The following USF2 variants were observed in gnomAD, a reference collection of about 807,000 sequenced individuals.
USF2 encodes the protein upstream stimulatory factor 2.
A neutral mutation model predicts 46.9 loss-of-function variants in USF2; 16 were observed. The observed-to-expected ratio is 0.34, with a 90% CI of 0.23 to 0.52. The LOEUF (loss-of-function observed/expected upper bound fraction) is 0.52, where lower values mean the gene tolerates loss of function less well. USF2 is among the 20% of genes least tolerant of loss of function. The probability of loss-of-function intolerance (pLI) is 0.96; values close to 1 mark genes in which losing one functional copy is unlikely to be tolerated. For missense variants in USF2, 411 were observed against 474.0 expected (o/e 0.87, Z 1.23); for synonymous variants, 239 against 194.1 (o/e 1.23, Z -1.92).
At chr19:35,272,278 G>T (rs1032856798) in intron 7 of USF2, among the ~76,000 whole-genome samples, 3 of 152,176 alleles carry the variant, frequency 2.0e-5, no homozygotes, top group African/African-American at 7.2e-5. Context: ...GCCGCATCAG[G>T]CAGTGCAGGC....
chr19:35,270,819 A>C lies in USF2; in HGVS notation c.668+14A>C. The C allele has an allele frequency of 6.2e-7, 1 of 1,613,808 alleles. No homozygotes were observed. The highest frequency in any genetic ancestry group is 8.5e-7 in the Non-Finnish European group (1 of 1,179,832). ...CCCTTACTCTCCGTATGTGCAGGGG[A>C]CACCTGGAGGGCCTGGTGTTGAAAT... On this transcript the variant is annotated intron_variant, in intron 6 of 9. Transcript: ENST00000222305.
chr19:35,274,799 G>C (rs1348694927), intron 7 of USF2, among the ~76,000 whole-genome samples: 1 of 152,198 alleles, frequency 6.6e-6, no homozygotes, highest in Non-Finnish European at 1.5e-5. Flanking sequence ...CCTTGTGTCA[G>C]AAAAAGATAG....
At chr19:35,279,104 C>T in intron 9 of USF2, 30 bp downstream of exon 9, 1 of 1,612,982 alleles carries the variant, frequency 6.2e-7, no homozygotes, top group Middle Eastern at 1.7e-4. Flanking sequence ...CGGGTCAGGG[C>T]CCAGGAGCCC....
Position 35,279,209 on chromosome 19 carries a change from C to A in USF2, c.994C>A (p.Leu332Met). 1 of 1,594,342 alleles carries A rather than the reference C, an allele frequency of 6.3e-7. No homozygotes were observed. Among genetic ancestry groups the A allele is most frequent in the Non-Finnish European group, 8.5e-7 (1 of 1,170,260 alleles). ...TGAGAACGCCCTGCTTCGAGCCCAG[C>A]TGCAGCAGCACAACCTGGAGATGGT... ...KNENALLRAQLQQHNLEMVGE... is the reference protein window; with the variant it reads ...KNENALLRAQMQQHNLEMVGE... The change falls in exon 10 of 10, where the codon CTG (leucine) becomes ATG (methionine). Residue 332 changes from leucine to methionine, a missense_variant. Physicochemically the swap from Leu to Met is conservative, Grantham distance 15. Transcript: ENST00000222305.
rs374238178 is a variant in USF2, at chr19:35,269,466, C to T, written c.83C>T (p.Ala28Val). The change falls in exon 2 of 10, where the codon GCG becomes GTG. Residue 28 changes from alanine to valine, a missense_variant. This residue lies in a region of USF2 where 318 missense variants were observed against 322.4 expected (regional missense o/e 0.99). Transcript: ENST00000222305. ...AAASHDKGPE[A>V]EEGVELQEGG... The stretch of plus-strand genomic sequence containing the variant: ...GGCAGCCACGACAAGGGACCCGAGG[C>T]GGAGGAGGGCGTCGAGCTGCAGGAA... 276 of 1,547,540 alleles carry T rather than the reference C, an allele frequency of 1.8e-4. No individual in the cohort carries two copies. Among genetic ancestry groups the T allele is most frequent in the African/African-American group, 2.8e-4 (20 of 70,316 alleles).
At position 35,279,349 on chromosome 19, in the gene USF2, C is replaced by T; in HGVS notation, c.*93C>T. 2 of 1,266,160 alleles carry T rather than the reference C, an allele frequency of 1.6e-6. No individual in the cohort carries two copies. The highest frequency in any genetic ancestry group is 2.1e-6 in the Non-Finnish European group (2 of 969,820). The allele number at this position is 1,266,160 out of a possible 1,614,324, so 78.4% of individuals were successfully genotyped here. A position where few individuals can be genotyped will look rare whatever the true frequency, so the allele number is the denominator to read the frequency against. ...GCACAGAGAGGGACACATGCCCCTC[C>T]CCCAGCTGCGTTTTTTTATAGTAGA... On this transcript the variant is annotated 3_prime_UTR_variant, in exon 10 of 10. Transcript: ENST00000222305.
At chr19:35,269,184 G>T in intron 1 of USF2, 21 bp downstream of exon 1, 1 of 988,876 alleles carries the variant, frequency 1.0e-6, no homozygotes, top group Non-Finnish European at 1.2e-6. Context: ...CGGCCCGGCC[G>T]TGCCCCCGCG....
Position 35,270,731 on chromosome 19 carries a change from C to T in USF2, c.594C>T (p.Val198=). The change falls in exon 6 of 10, where the codon GTC becomes GTT. Residue 198 remains valine, a synonymous_variant. Transcript: ENST00000222305. ...CTCTCCCTGCAGGCCAGTTCTACGT[C>T]ATGATGACGCCCCAGGATGTGCTTC... ...QSLQAGGQFY[V]MMTPQDVLQT... 1.2e-6 allele frequency: 2 copies of T among 1,614,160 alleles called. No individual in the cohort carries two copies. Among genetic ancestry groups the T allele is most frequent in the Non-Finnish European group, 1.7e-6 (2 of 1,180,020 alleles).
At chr19:35,277,902 A>G (rs1218307762) in intron 7 of USF2, 1 of 152,262 alleles carries the variant, frequency 6.6e-6, no homozygotes, top group East Asian at 1.9e-4. Context: ...TGGCCAGAGA[A>G]AGGCATGTGC....
At chr19:35,270,385 T>C (rs749856499) in intron 4 of USF2, 62 bp from the exon 5 acceptor site, 4 of 1,571,916 alleles carry the variant, frequency 2.5e-6, no homozygotes, top group Admixed American at 1.8e-5. Context: ...AGCACAGCAA[T>C]GAGGGGACGG....
chr19:35,270,075 G>A (rs2066127618), intron 4 of USF2, 72 bp downstream of exon 4: 2 of 1,339,018 alleles, frequency 1.5e-6, no homozygotes, highest in African/African-American at 1.5e-5. Context: ...CTCTTGGGGA[G>A]CCCCGGGGGT....
At chr19:35,272,143 C>G (rs2066165788) in intron 7 of USF2, among the ~76,000 whole-genome samples, 1 of 152,142 alleles carries the variant, frequency 6.6e-6, no homozygotes, top group African/African-American at 2.4e-5. Flanking sequence ...GGCGTTCATT[C>G]AGCGCGTGCA....
Position 35,269,821 on chromosome 19 carries a change from C to A in USF2, c.247C>A (p.Gln83Lys), listed in dbSNP as rs1233082179. The A allele has an allele frequency of 6.8e-7, 1 of 1,481,044 alleles. No homozygotes were observed. Among genetic ancestry groups the A allele is most frequent in the Non-Finnish European group, 8.9e-7 (1 of 1,120,556 alleles). The allele number at this position is 1,481,044 out of a possible 1,614,324, so 91.7% of individuals were successfully genotyped here. Reference protein sequence around the residue: ...NGGQVTYRVVQVTDGQLDGQG... With the variant: ...NGGQVTYRVVKVTDGQLDGQG... ...CCTGCAGGTGACATACCGCGTAGTCCAGGTGACTGATGGTCAGCTGGACGG... is the reference window on the plus strand; with the variant it reads ...CCTGCAGGTGACATACCGCGTAGTCAAGGTGACTGATGGTCAGCTGGACGG... The change falls in exon 4 of 10, where the codon CAG (glutamine) becomes AAG (lysine). Residue 83 changes from glutamine (Q) to lysine (K), a missense_variant. Gln to Lys is a moderately conservative substitution (Grantham distance 53). This residue lies in a region of USF2 where 318 missense variants were observed against 322.4 expected (regional missense o/e 0.99). Transcript: ENST00000222305.
Position 35,270,573 on chromosome 19 carries a change from A to G in USF2, c.556A>G (p.Thr186Ala), listed in dbSNP as rs373379664. Residue 186 changes from threonine (T) to alanine (A), a missense_variant, in exon 5 of 10, where the codon ACA (threonine) becomes GCA (alanine). Physicochemically the swap from Thr to Ala is moderately conservative, Grantham distance 58. Coordinates refer to ENST00000222305, the MANE Select transcript of USF2 (RefSeq NM_003367.4). ...GDTTAVSVQT[T>A]DQSLQAGGQF... Reference sequence around the variant, plus strand: ...TACTACGGCTGTGTCCGTACAGACCACAGACCAGAGCTTGCAGGCTGGAGG... The same window carrying G: ...TACTACGGCTGTGTCCGTACAGACCGCAGACCAGAGCTTGCAGGCTGGAGG... The G allele has an allele frequency of 5.6e-5, 90 of 1,613,828 alleles. No individual in the cohort carries two copies. Among genetic ancestry groups the G allele is most frequent in the Non-Finnish European group, 1.0e-5 (12 of 1,179,846 alleles).
In USF2 at chr19:35,270,792, C is replaced by T. The variant is rs2066142380; in HGVS notation, c.655C>T (p.His219Tyr). 1 of 1,614,014 alleles carries T rather than the reference C, an allele frequency of 6.2e-7. No individual in the cohort carries two copies. Among genetic ancestry groups the T allele is most frequent in the Admixed American group, 1.7e-5 (1 of 60,006 alleles). Residue 219 changes from histidine (H) to tyrosine (Y), a missense_variant, in exon 6 of 10, where the codon CAC (histidine) becomes TAC (tyrosine). His to Tyr is a moderately conservative substitution (Grantham distance 83). Around this residue, in one of 2 missense-constraint regions of USF2, gnomAD observed 318 missense variants for 322.4 expected, o/e 0.99. Transcript: ENST00000222305. ...GTQRTIAPRT[H>Y]PYSPKIDGTR... ...ACAGAGGACGATCGCCCCCCGGACA[C>T]ACCCTTACTCTCCGTATGTGCAGGG...
At chr19:35,272,238 C>T (rs143906688) in intron 7 of USF2, among the ~76,000 whole-genome samples, 245 of 152,210 alleles carry the variant, frequency 1.6e-3, no homozygotes, top group African/African-American at 5.6e-3. Flanking sequence ...TCTCTGTGCG[C>T]GTTCTGGTGG....
chr19:35,271,016 T>G (rs763734337), intron 6 of USF2, 67 bp from the exon 7 acceptor site: 2 of 1,588,852 alleles, frequency 1.3e-6, no homozygotes, highest in South Asian at 2.2e-5. Context: ...AATCTAATAC[T>G]TAGCAGATGC....
Position 35,269,792 on chromosome 19 carries a change from G to GC in USF2, c.229-6dup, listed in dbSNP as rs1277976189. On this transcript the variant is annotated splice_polypyrimidine_tract_variant and intron_variant, in intron 3 of 9. Coordinates refer to ENST00000222305, the MANE Select transcript of USF2 (RefSeq NM_003367.4). Reference sequence around the variant, plus strand: ...CCAGCGCCGGCCTCGCCGCTCTGCCGCCCCCTGCAGGTGACATACCGCGTA... The same window carrying GC: ...CCAGCGCCGGCCTCGCCGCTCTGCCGCCCCCCTGCAGGTGACATACCGCGTA... 1.3e-6 allele frequency: 2 copies of GC among 1,490,390 alleles called. No individual in the cohort carries two copies. The highest frequency in any genetic ancestry group is 1.3e-5 in the South Asian group (1 of 77,218). 92.3% of individuals were successfully genotyped at this position (1,490,390 alleles called of 1,614,324 possible).
At chr19:35,269,519 C>T in intron 2 of USF2, 27 bp downstream of exon 2, 1 of 1,542,168 alleles carries the variant, frequency 6.5e-7, no homozygotes, top group Non-Finnish European at 8.7e-7. Context: ...CCGGCCGCGC[C>T]CGGGGAGGGC....
Sources: allele counts gnomAD v4.1 joint callset (sites outside exome capture counted in the v4.1 genomes callset), GRCh38; gene constraint gnomAD v4.1.1; regional missense constraint gnomAD v4.1.1; transcripts MANE v1.5; gene names NCBI Gene and HGNC (gene_info 2026-07-23, HGNC 2026-07-21).